The following UBXN2A variants were observed in gnomAD, a reference collection of about 807,000 sequenced individuals.
UBXN2A encodes the protein UBX domain-containing protein 2A.
A neutral mutation model predicts 28.4 loss-of-function variants in UBXN2A; 28 were observed. That is an observed-to-expected ratio of 0.99 (90% CI 0.73 to 1.35). The LOEUF (loss-of-function observed/expected upper bound fraction) is 1.35, where lower values mean the gene tolerates loss of function less well. UBXN2A is among the 40% of genes most tolerant of loss of function. The pLI is 0.00. For missense variants in UBXN2A, 253 were observed against 297.9 expected (o/e 0.85, Z 1.11); for synonymous variants, 97 against 103.6 (o/e 0.94, Z 0.39).
chr2:23,932,738 T>C (rs1012424356), intron 1 of UBXN2A, among the ~76,000 whole-genome samples: 2 of 152,206 alleles, frequency 1.3e-5, no homozygotes, highest in Non-Finnish European at 2.9e-5. Context: ...TCTGACAGAA[T>C]ATACCTTCAA....
intron 1 of UBXN2A, among the ~76,000 whole-genome samples, chr2:23,958,059 A>G (rs1706719890): frequency 6.6e-6 from 1 of 152,214 alleles, no homozygotes; most frequent in African/African-American, 2.4e-5. Context: ...TTCATTTGTT[A>G]AGTCAAATGG....
At chr2:23,960,370 G>A (rs77401571) in intron 2 of UBXN2A, among the ~76,000 whole-genome samples, 195 of 152,228 alleles carry the variant, frequency 1.3e-3, no homozygotes, top group African/African-American at 4.4e-3. Flanking sequence ...TCATTTCTGC[G>A]CAGTAATAAA....
At chr2:23,927,638 G>GC (rs1553465185) in intron 1 of UBXN2A, 4 of 126,618 alleles carry the variant, frequency 3.2e-5, no homozygotes, top group South Asian at 2.9e-4. Context: ...AGAGAAGGGG[G>GC]GGGGGAAACA....
At chr2:23,980,614 GT>G (rs1169814575) in intron 4 of UBXN2A, among the ~76,000 whole-genome samples, 1 of 151,882 alleles carries the variant, frequency 6.6e-6, no homozygotes, top group Non-Finnish European at 1.5e-5. Context: ...CCTCTGTCCA[GT>G]TTTTTTATTT....
intron 1 of UBXN2A, among the ~76,000 whole-genome samples, chr2:23,947,756 A>G (rs1439263361): frequency 6.6e-6 from 1 of 152,218 alleles, no homozygotes; most frequent in East Asian, 1.9e-4. Context: ...GTGCTACTAG[A>G]AACTGTCATA....
rs1432957243 is a variant in UBXN2A, at chr2:24,003,168, T to TGTGG, written c.*3302_*3305dup. ...TTTAATCTCACGTGATTCTTAAGTA[T>TGTGG]GTGGTGGAAGTACCTTTCTTCAGGA... On this transcript the variant is annotated 3_prime_UTR_variant, in exon 7 of 7. Coordinates refer to ENST00000309033, the MANE Select transcript of UBXN2A (RefSeq NM_181713.4). 6.6e-6 allele frequency: 1 copy of TGTGG among 152,220 alleles called. No individual in the cohort carries two copies. Among genetic ancestry groups the TGTGG allele is most frequent in the Non-Finnish European group, 1.5e-5 (1 of 68,034 alleles). The allele number at this position is 152,220 out of a possible 1,614,324, so 9.4% of individuals were successfully genotyped here.
intron 2 of UBXN2A, among the ~76,000 whole-genome samples, chr2:23,962,326 C>T (rs911288158): frequency 1.3e-4 from 20 of 152,090 alleles, no homozygotes; most frequent in African/African-American, 3.1e-4. Context: ...ACAAAAGAGG[C>T]TGTTCTGCTG....
rs1705701817 is a variant in UBXN2A, at chr2:23,940,607, C to G, written c.-56C>G. Reference sequence around the variant, plus strand: ...CCGCGGCCAAACGGTGCCTGCGGTGCCTGAGCTGAGTGAGGCCGAGGCCGG... The same window carrying G: ...CCGCGGCCAAACGGTGCCTGCGGTGGCTGAGCTGAGTGAGGCCGAGGCCGG... On this transcript the variant is annotated 5_prime_UTR_variant, in exon 1 of 7. Transcript: ENST00000309033. The G allele has an allele frequency of 6.6e-6, 1 of 151,632 alleles. No homozygotes were observed. Among genetic ancestry groups the G allele is most frequent in the Non-Finnish European group, 1.5e-5 (1 of 67,936 alleles). 9.4% of individuals were successfully genotyped at this position (151,632 alleles called of 1,614,324 possible).
At chr2:23,999,367 A>G (rs143540293) in intron 6 of UBXN2A, among the ~76,000 whole-genome samples, 288 of 152,306 alleles carry the variant, frequency 1.9e-3, no homozygotes, top group African/African-American at 5.2e-3. Flanking sequence ...CTGGGAGTCA[A>G]ACTTTAAAAG....
chr2:23,952,208 C>G (rs1050156682), intron 1 of UBXN2A, among the ~76,000 whole-genome samples: 1 of 151,826 alleles, frequency 6.6e-6, no homozygotes, highest in African/African-American at 2.4e-5. Flanking sequence ...CTCAGGTGAT[C>G]CACCTGCCTT....
intron 6 of UBXN2A, among the ~76,000 whole-genome samples, chr2:23,993,640 T>G (rs1708429559): frequency 6.6e-6 from 1 of 152,130 alleles, no homozygotes; most frequent in Non-Finnish European, 1.5e-5. Context: ...AGTTTGATGT[T>G]TTAGCCTGAA....
intron 6 of UBXN2A, among the ~76,000 whole-genome samples, chr2:23,998,701 A>G (rs768746399): frequency 2.0e-5 from 3 of 152,180 alleles, no homozygotes; most frequent in Admixed American, 6.5e-5. Flanking sequence ...AGCCCAGGCA[A>G]CAGAGCTAGA....
chr2:23,957,011 A>G (rs75101706), intron 1 of UBXN2A, among the ~76,000 whole-genome samples: 9,846 of 152,300 alleles, frequency 0.065, 409 homozygotes, highest in African/African-American at 0.12. Context: ...CCTGTATACT[A>G]TAAATCACCT....
rs200964662 is a variant in UBXN2A, at chr2:24,003,674, C to T, written c.*3807C>T. 2 of 136,808 alleles carry T rather than the reference C, an allele frequency of 1.5e-5. No individual in the cohort carries two copies. The highest frequency in any genetic ancestry group is 2.3e-4 in the South Asian group (1 of 4,340). 8.5% of individuals were successfully genotyped at this position (136,808 alleles called of 1,614,324 possible). A position where few individuals can be genotyped will look rare whatever the true frequency, so the allele number is the denominator to read the frequency against. Reference sequence around the variant, plus strand: ...AAATAATTATTGTTGGTAATGTTTACACAGCAGTGTTAGAGCCTCTCTGTA... The same window carrying T: ...AAATAATTATTGTTGGTAATGTTTATACAGCAGTGTTAGAGCCTCTCTGTA... On this transcript the variant is annotated 3_prime_UTR_variant, in exon 7 of 7. Coordinates refer to ENST00000309033, the MANE Select transcript of UBXN2A (RefSeq NM_181713.4).
intron 1 of UBXN2A, among the ~76,000 whole-genome samples, chr2:23,957,894 C>T (rs1706709746): frequency 6.6e-6 from 1 of 152,090 alleles, no homozygotes; most frequent in Non-Finnish European, 1.5e-5. Context: ...TCCCAAAGTG[C>T]TGGGATTACA....
chr2:24,002,763 T>C lies in UBXN2A; in HGVS notation c.*2896T>C, dbSNP rs1029178868. ...TTAGTGAGAAAAGTGGCCGGTTTTTTGGGGGGAATTACTTTCTGTCATAAA... is the reference window on the plus strand; with the variant it reads ...TTAGTGAGAAAAGTGGCCGGTTTTTCGGGGGGAATTACTTTCTGTCATAAA... On this transcript the variant is annotated 3_prime_UTR_variant, in exon 7 of 7. Coordinates refer to ENST00000309033, the MANE Select transcript of UBXN2A (RefSeq NM_181713.4). The C allele has an allele frequency of 6.6e-6, 1 of 152,184 alleles. No individual in the cohort carries two copies. The highest frequency in any genetic ancestry group is 1.5e-5 in the Non-Finnish European group (1 of 68,050). The allele number at this position is 152,184 out of a possible 1,614,324, so 9.4% of individuals were successfully genotyped here.
chr2:23,980,869 C>A (rs1707863125), intron 4 of UBXN2A, among the ~76,000 whole-genome samples: 1 of 152,140 alleles, frequency 6.6e-6, no homozygotes, highest in African/African-American at 2.4e-5. Context: ...TCACGTGATT[C>A]ACCCGCCTCG....
Position 24,001,011 on chromosome 2 carries a change from GAT to G in UBXN2A, c.*1145_*1146del, listed in dbSNP as rs1226188446. 6.6e-6 allele frequency: 1 copy of G among 152,150 alleles called. No homozygotes were observed. Among genetic ancestry groups the G allele is most frequent in the Non-Finnish European group, 1.5e-5 (1 of 68,074 alleles). 9.4% of individuals were successfully genotyped at this position (152,150 alleles called of 1,614,324 possible). On this transcript the variant is annotated 3_prime_UTR_variant, in exon 7 of 7. Transcript: ENST00000309033. ...TTCTGTTTCTTTTTCGTTTGTTTGAGATGGAGTTTCGCTCTTGTTGCCCAGGC... is the reference window on the plus strand; with the variant it reads ...TTCTGTTTCTTTTTCGTTTGTTTGAGGGAGTTTCGCTCTTGTTGCCCAGGC...
At chr2:23,935,030 G>A (rs992349700) in intron 1 of UBXN2A, among the ~76,000 whole-genome samples, 1 of 151,968 alleles carries the variant, frequency 6.6e-6, no homozygotes, top group African/African-American at 2.4e-5. Flanking sequence ...AGCCGAGATC[G>A]CACCACTGCA....
Sources: gnomAD v4.1 joint callset for allele counts (sites outside exome capture counted in the v4.1 genomes callset) on GRCh38, gnomAD v4.1.1 for gene constraint, MANE v1.5 for transcripts, NCBI Gene and HGNC (gene_info 2026-07-23, HGNC 2026-07-21) for gene names.